ADAM28: variants seen among roughly 807,000 people sequenced by gnomAD.
ADAM28 encodes ADAM metallopeptidase domain 28.
A neutral mutation model predicts 101.2 loss-of-function variants in ADAM28; 105 were observed. The observed-to-expected ratio is 1.04, with a 90% CI of 0.89 to 1.22. The LOEUF (loss-of-function observed/expected upper bound fraction) is 1.22, where lower values mean the gene tolerates loss of function less well. Ranked by LOEUF, ADAM28 falls within the 50% of genes most tolerant of loss-of-function variation. ADAM28 has a pLI of 0.00. For missense variants in ADAM28, 1,028 were observed against 945.4 expected (o/e 1.09, Z -1.15); for synonymous variants, 322 against 310.6 (o/e 1.04, Z -0.39).
At chr8:24,339,806 A>G (rs751093841) in intron 15 of ADAM28, among the ~76,000 whole-genome samples, 2 of 152,186 alleles carry the variant, frequency 1.3e-5, no homozygotes, top group Non-Finnish European at 2.9e-5. Context: ...CAGATGACAC[A>G]AAGCACAGTC....
rs1288887264 is a variant in ADAM28 at position 24,325,891 on chromosome 8, A to ACAAACAAAC, written c.891-663_891-662insCAAACAAAC. Among the ~76,000 whole-genome samples, 733 of 144,296 alleles carry ACAAACAAAC rather than the reference A, an allele frequency of 5.1e-3. 11 individuals are homozygous for ACAAACAAAC. Among genetic ancestry groups the ACAAACAAAC allele is most frequent in the East Asian group, 9.8e-3 (48 of 4,890 alleles). 94.7% of individuals were successfully genotyped at this position (144,296 alleles called of 152,430 possible). On this transcript the variant is annotated intron_variant, in intron 9 of 22. Transcript: ENST00000265769. Reference sequence around the variant, plus strand: ...GATAGCAAAAAAAAAAAAAAAAAAAAAAAAAAAAACCAAAAAACAAAAACT... The same window carrying ACAAACAAAC: ...GATAGCAAAAAAAAAAAAAAAAAAAACAAACAAACAAAAAAAAACCAAAAAACAAAAACT...
chr8:24,356,798 T>TA lies in ADAM28; in HGVS notation c.*2395dup, dbSNP rs1410097607. ...AAATTATTAGGTTAAATTATGTTTT[T>TA]ATCCAGTTACTCTAAGATACCTTAG... On this transcript the variant is annotated 3_prime_UTR_variant, in exon 23 of 23. Coordinates refer to ENST00000265769, the MANE Select transcript of ADAM28 (RefSeq NM_014265.6). 1 of 152,212 alleles carries TA rather than the reference T, an allele frequency of 6.6e-6. No homozygotes were observed. Among genetic ancestry groups the TA allele is most frequent in the Admixed American group, 6.5e-5 (1 of 15,268 alleles). The allele number at this position is 152,212 out of a possible 1,614,324, so 9.4% of individuals were successfully genotyped here.
At chr8:24,304,484 G>A (rs1019535966) in intron 2 of ADAM28, among the ~76,000 whole-genome samples, 1 of 152,014 alleles carries the variant, frequency 6.6e-6, no homozygotes, top group Non-Finnish European at 1.5e-5. Flanking sequence ...TTGTCTTAAA[G>A]TGGAGATGAT....
At chr8:24,347,888 T>C (rs1170468813) in intron 18 of ADAM28, among the ~76,000 whole-genome samples, 1 of 152,174 alleles carries the variant, frequency 6.6e-6, no homozygotes, top group Non-Finnish European at 1.5e-5. Context: ...TTTTCATTTT[T>C]ATCCTTTCTG....
rs141747646 is a variant in ADAM28 at position 24,341,652 on chromosome 8, G to C, written c.1725G>C (p.Trp575Cys). ...FCQGGSDNLP[W>C]KGRIVTFLTC... ...AAGGTGGGTCGGATAATTTGCCCTG[G>C]AAAGGACGGATAGTGACTTTCCTGA... The change falls in exon 16 of 23, where the codon TGG (tryptophan) becomes TGC (cysteine). Residue 575 changes from tryptophan (W) to cysteine (C), a missense_variant. Physicochemically the swap from Trp to Cys is radical, Grantham distance 215 (BLOSUM62 -2). Coordinates refer to ENST00000265769, the MANE Select transcript of ADAM28 (RefSeq NM_014265.6). 1 of 1,613,734 alleles carries C rather than the reference G, an allele frequency of 6.2e-7. No individual in the cohort carries two copies. The highest frequency in any genetic ancestry group is 1.3e-5 in the African/African-American group (1 of 74,888).
At position 24,330,113 on chromosome 8, in the gene ADAM28, G is replaced by A; in HGVS notation, c.1101G>A (p.Leu367=). Residue 367 remains leucine (L), a splice_region_variant and synonymous_variant, in exon 11 of 23, where the codon CTG becomes CTA. Transcript: ENST00000265769. ...PSTICVMDKA[L]SFYIPTDFSS... Reference sequence around the variant, plus strand: ...CAATATGTGTGATGGACAAAGCACTGAGGTGAGGCTCTCTGGGCCCTGGGG... The same window carrying A: ...CAATATGTGTGATGGACAAAGCACTAAGGTGAGGCTCTCTGGGCCCTGGGG... The A allele has an allele frequency of 6.2e-7, 1 of 1,612,788 alleles. No homozygotes were observed.
chr8:24,306,363 A>AT (rs1563270503), intron 2 of ADAM28, among the ~76,000 whole-genome samples: 2 of 108,500 alleles, frequency 1.8e-5, no homozygotes, highest in Non-Finnish European at 3.8e-5. Context: ...TAAATAAATA[A>AT]ATATATATAT....
At chr8:24,352,705 T>C (rs561519714) in intron 21 of ADAM28, among the ~76,000 whole-genome samples, 3 of 152,166 alleles carry the variant, frequency 2.0e-5, no homozygotes, top group Admixed American at 6.6e-5. Context: ...ACTGTGTATG[T>C]ACAACTAAAT....
rs1277223532 is a variant in ADAM28 at position 24,306,373 on chromosome 8, TATATATATATATTTAAAA to T, written c.151-3508_151-3491del. 4.3e-5 allele frequency among the ~76,000 whole-genome samples: 6 copies of T among 138,030 alleles called. 1 individual carries two copies. The highest frequency in any genetic ancestry group is 9.2e-5 in the Non-Finnish European group (6 of 65,416). The allele number at this position is 138,030 out of a possible 152,430, so 90.6% of individuals were successfully genotyped here. A position where few individuals can be genotyped will look rare whatever the true frequency, so the allele number is the denominator to read the frequency against. On this transcript the variant is annotated intron_variant, in intron 2 of 22. Transcript: ENST00000265769. ...ACAAATAAATAAATAAATATATATATATATATATATATTTAAAAATATATATATATATGTTCCACACAA... is the reference window on the plus strand; with the variant it reads ...ACAAATAAATAAATAAATATATATATATATATATATATATGTTCCACACAA...
chr8:24,318,866 CG>C (rs1811507801), intron 6 of ADAM28, among the ~76,000 whole-genome samples: 1 of 152,032 alleles, frequency 6.6e-6, no homozygotes, highest in South Asian at 2.1e-4. Flanking sequence ...TGCCCATCCT[CG>C]TTCAGCAGAA....
In ADAM28 at chr8:24,353,829, T is replaced by C. The variant is rs1465657649; in HGVS notation, c.2304T>C (p.Pro768=). The change falls in exon 22 of 23, where the codon CCT becomes CCC. Residue 768 remains proline (P), a synonymous_variant. Transcript: ENST00000265769. ...TCAAGGATAATCCAGTGTCTACACC[T>C]AAGGTAAGAGATCTATAGCCAAATT... ...TVFKDNPVST[P]KDSNPKA is the part of the protein sequence containing the mutation. The C allele has an allele frequency of 4.6e-6, 7 of 1,514,862 alleles. No homozygotes were observed. The East Asian group carries it at 1.6e-4, about 34-fold the overall frequency. The allele number at this position is 1,514,862 out of a possible 1,614,324, so 93.8% of individuals were successfully genotyped here.
At chr8:24,339,794 T>A (rs1452504031) in intron 15 of ADAM28, among the ~76,000 whole-genome samples, 1 of 152,170 alleles carries the variant, frequency 6.6e-6, no homozygotes, top group Non-Finnish European at 1.5e-5. Context: ...TGGTGGGTGC[T>A]TCAGATGACA....
chr8:24,336,175 G>A (rs937431101), intron 14 of ADAM28: 26 of 984,488 alleles, frequency 2.6e-5, no homozygotes, highest in South Asian at 9.4e-5. Context: ...TTAAATGGTC[G>A]CTTTGTCCAT....
chr8:24,314,331 T>C (rs1478782585), intron 6 of ADAM28, among the ~76,000 whole-genome samples: 6 of 152,140 alleles, frequency 3.9e-5, no homozygotes, highest in Non-Finnish European at 8.8e-5. Flanking sequence ...ATGAGCAAAA[T>C]AGACATAGAA....
At chr8:24,333,269 C>T (rs538222516) in intron 13 of ADAM28, among the ~76,000 whole-genome samples, 16 of 152,212 alleles carry the variant, frequency 1.1e-4, no homozygotes, top group African/African-American at 3.6e-4. Context: ...GGTACAGGTA[C>T]AATGTGACCG....
At position 24,357,794 on chromosome 8, in the gene ADAM28, C is replaced by T. The variant is rs1036160429; in HGVS notation, c.*3390C>T. On this transcript the variant is annotated 3_prime_UTR_variant, in exon 23 of 23. Coordinates refer to ENST00000265769, the MANE Select transcript of ADAM28 (RefSeq NM_014265.6). ...CTTTCTTTGTGTCTCTAGTCTCTTC[C>T]ATTTGTTCTCCCTTCTTTACTAGCA... The T allele has an allele frequency of 1.3e-5, 2 of 152,092 alleles. No homozygotes were observed. The highest frequency in any genetic ancestry group is 4.8e-5 in the African/African-American group (2 of 41,400). 9.4% of individuals were successfully genotyped at this position (152,092 alleles called of 1,614,324 possible). A position where few individuals can be genotyped will look rare whatever the true frequency, so the allele number is the denominator to read the frequency against.
rs1057430154 is a variant in ADAM28 at position 24,336,394 on chromosome 8, T to C, written c.1567+753T>C. Reference sequence around the variant, plus strand: ...GTCAGGAGATCAAGACCATCCTGGCTAACACGGTGAAACCCCGTCTCTACT... The same window carrying C: ...GTCAGGAGATCAAGACCATCCTGGCCAACACGGTGAAACCCCGTCTCTACT... On this transcript the variant is annotated intron_variant, in intron 14 of 22. Transcript: ENST00000265769. Among the ~76,000 whole-genome samples the C allele has an allele frequency of 2.6e-5, 4 of 151,288 alleles. No individual in the cohort carries two copies. The South Asian group carries it at 8.3e-4, about 32-fold the overall frequency.
rs767014452 is a variant in ADAM28, at chr8:24,335,542, T to C, written c.1468T>C (p.Phe490Leu). ...ATCTGGTAATTGTCCTGATGATAGA[T>C]TCCAAGTCAATGGCTTCCCTTGCCA... is the stretch of plus-strand genomic sequence containing the variant. Reference protein sequence around the residue: ...GKSGNCPDDRFQVNGFPCHHG... With the variant: ...GKSGNCPDDRLQVNGFPCHHG... The change falls in exon 14 of 23, where the codon TTC (phenylalanine) becomes CTC (leucine). Residue 490 changes from phenylalanine to leucine, a missense_variant. Phe to Leu is a conservative substitution (Grantham distance 22). Coordinates refer to ENST00000265769, the MANE Select transcript of ADAM28 (RefSeq NM_014265.6). The C allele has an allele frequency of 6.2e-7, 1 of 1,614,144 alleles. No homozygotes were observed. Among genetic ancestry groups the C allele is most frequent in the Admixed American group, 1.7e-5 (1 of 60,018 alleles).
At position 24,357,275 on chromosome 8, in the gene ADAM28, G is replaced by A. The variant is rs1816745319; in HGVS notation, c.*2871G>A. 1 of 152,184 alleles carries A rather than the reference G, an allele frequency of 6.6e-6. No individual in the cohort carries two copies. The highest frequency in any genetic ancestry group is 2.4e-5 in the African/African-American group (1 of 41,452). 9.4% of individuals were successfully genotyped at this position (152,184 alleles called of 1,614,324 possible). A position where few individuals can be genotyped will look rare whatever the true frequency, so the allele number is the denominator to read the frequency against. ...TTGTTTAAAGTTGTTATGGTTTGGAGATATTTGTTATGCAGCAATAGATAG... is the reference window on the plus strand; with the variant it reads ...TTGTTTAAAGTTGTTATGGTTTGGAAATATTTGTTATGCAGCAATAGATAG... On this transcript the variant is annotated 3_prime_UTR_variant, in exon 23 of 23. Transcript: ENST00000265769.
Sources: gnomAD v4.1 joint callset for allele counts (sites outside exome capture counted in the v4.1 genomes callset) on GRCh38, gnomAD v4.1.1 for gene constraint, MANE v1.5 for transcripts, NCBI Gene and HGNC (gene_info 2026-07-23, HGNC 2026-07-21) for gene names.